RBMS2: variants seen among roughly 807,000 people sequenced by gnomAD.
RBMS2 encodes the protein RNA binding motif single stranded interacting protein 2, also known as RNA-binding motif, single-stranded-interacting protein 2.
In RBMS2, 38 loss-of-function variants were observed where a neutral mutation model predicts 58.4. The ratio of observed to expected loss-of-function variants is 0.65; its 90% CI spans 0.50 to 0.85. The LOEUF (loss-of-function observed/expected upper bound fraction) is 0.85. RBMS2 is among the 40% of genes least tolerant of loss of function. The probability of loss-of-function intolerance (pLI) is 0.00; values close to 1 mark genes in which losing one functional copy is unlikely to be tolerated. For synonymous variants in RBMS2, 151 were observed against 180.7 expected (o/e 0.84, Z 1.32); for missense variants, 367 against 503.7 (o/e 0.73, Z 2.60).
rs777712319 is a variant in RBMS2 at position 56,595,187 on chromosome 12, C to CCAAA, written c.*6057_*6060dup. The CCAAA allele has an allele frequency of 2.0e-5, 3 of 152,272 alleles. No individual in the cohort carries two copies. The highest frequency in any genetic ancestry group is 2.1e-4 in the South Asian group (1 of 4,828). 9.4% of individuals were successfully genotyped at this position (152,272 alleles called of 1,614,324 possible). The stretch of plus-strand genomic sequence containing the variant: ...GGCTGGCGTATAGCTGTGAAGGTAA[C>CCAAA]CAAACACCAAAGAGGGAGTCTGTCA... On this transcript the variant is annotated 3_prime_UTR_variant, in exon 14 of 14. Transcript: ENST00000262031.
In RBMS2 at chr12:56,543,047, A is replaced by G. The variant is rs143561079; in HGVS notation, c.67-19370A>G. On this transcript the variant is annotated intron_variant, in intron 1 of 13. Transcript: ENST00000262031. ...CAGCCTCCAAATTTCTTTTTTGAAA[A>G]ATTTTATATAGAGACAGTATCTCAC... Among the ~76,000 whole-genome samples, 998 of 151,956 alleles carry G rather than the reference A, an allele frequency of 6.6e-3. 12 individuals carry two copies. The highest frequency in any genetic ancestry group is 0.023 in the African/African-American group (944 of 41,466).
chr12:56,562,010 A>G (rs1228809301), intron 1 of RBMS2, among the ~76,000 whole-genome samples: 4 of 150,624 alleles, frequency 2.7e-5, no homozygotes, highest in African/African-American at 4.9e-5. Flanking sequence ...GGGTTTCACC[A>G]TGTTAGCCAC....
At chr12:56,533,636 G>A (rs950923859) in intron 1 of RBMS2, among the ~76,000 whole-genome samples, 4 of 151,274 alleles carry the variant, frequency 2.6e-5, no homozygotes, top group East Asian at 1.9e-4. Context: ...GGTTGGTCTC[G>A]AACTCCTGAC....
chr12:56,563,336 A>G (rs558509578), intron 2 of RBMS2, among the ~76,000 whole-genome samples: 1 of 152,290 alleles, frequency 6.6e-6, no homozygotes, highest in Middle Eastern at 3.4e-3. Flanking sequence ...GATGTTAATT[A>G]GAAGGCATGA....
chr12:56,542,546 G>GT (rs1876320237), intron 1 of RBMS2, among the ~76,000 whole-genome samples: 1 of 119,726 alleles, frequency 8.4e-6, no homozygotes, highest in African/African-American at 3.2e-5. Flanking sequence ...TTTTTTTCTT[G>GT]TTTTTCTTTT....
Position 56,590,266 on chromosome 12 carries a change from A to G in RBMS2, c.*1133A>G, listed in dbSNP as rs1242277719. On this transcript the variant is annotated 3_prime_UTR_variant, in exon 14 of 14. Transcript: ENST00000262031. ...CTCAGAGCCTTTGCAGCTGCGACCT[A>G]GTTGAATCCACATAGGCTCCTTCCA... 1 of 152,186 alleles carries G rather than the reference A, an allele frequency of 6.6e-6. No homozygotes were observed. The highest frequency in any genetic ancestry group is 2.4e-5 in the African/African-American group (1 of 41,408). 9.4% of individuals were successfully genotyped at this position (152,186 alleles called of 1,614,324 possible).
intron 1 of RBMS2, among the ~76,000 whole-genome samples, chr12:56,551,224 C>T (rs763447989): frequency 1.8e-4 from 28 of 152,072 alleles, no homozygotes; most frequent in Admixed American, 1.3e-3. Context: ...TCCTAGAAAA[C>T]GAAACCTTGC....
chr12:56,550,192 C>T (rs1877990456), intron 1 of RBMS2, among the ~76,000 whole-genome samples: 2 of 152,112 alleles, frequency 1.3e-5, no homozygotes, highest in African/African-American at 4.8e-5. Flanking sequence ...TATTAGAAGA[C>T]ATGAATTGGC....
chr12:56,528,559 A>G (rs1156933726), intron 1 of RBMS2, among the ~76,000 whole-genome samples: 2 of 152,216 alleles, frequency 1.3e-5, no homozygotes, highest in African/African-American at 4.8e-5. Context: ...GATGCTTAAC[A>G]TCATTAGCCA....
At chr12:56,572,263 T>C (rs1882421848) in intron 5 of RBMS2, among the ~76,000 whole-genome samples, 1 of 129,444 alleles carries the variant, frequency 7.7e-6, no homozygotes, top group East Asian at 2.4e-4. Context: ...CACTGCAGCC[T>C]GGGGAACAGA....
In RBMS2 at chr12:56,594,957, G is replaced by C. The variant is rs1218296720; in HGVS notation, c.*5824G>C. On this transcript the variant is annotated 3_prime_UTR_variant, in exon 14 of 14. Transcript: ENST00000262031. ...TTTTAAACTCTTGGGAATTAAACTT[G>C]GGAATTTCTATTCCTACAGTGTTTT... 6.6e-6 allele frequency: 1 copy of C among 151,732 alleles called. No individual in the cohort carries two copies. Among genetic ancestry groups the C allele is most frequent in the Non-Finnish European group, 1.5e-5 (1 of 68,044 alleles). The allele number at this position is 151,732 out of a possible 1,614,324, so 9.4% of individuals were successfully genotyped here.
chr12:56,551,280 C>T (rs1207062726), intron 1 of RBMS2, among the ~76,000 whole-genome samples: 1 of 152,106 alleles, frequency 6.6e-6, no homozygotes, highest in Non-Finnish European at 1.5e-5. Flanking sequence ...GGTGGAATGG[C>T]GGAAGTCATT....
At chr12:56,534,162 A>C (rs1383201794) in intron 1 of RBMS2, among the ~76,000 whole-genome samples, 1 of 150,240 alleles carries the variant, frequency 6.7e-6, no homozygotes, top group Non-Finnish European at 1.5e-5. Context: ...TTCACGATTC[A>C]TTCATGTTGC....
chr12:56,544,314 G>C (rs1876737055), intron 1 of RBMS2, among the ~76,000 whole-genome samples: 4 of 152,098 alleles, frequency 2.6e-5, no homozygotes, highest in Non-Finnish European at 4.4e-5. Flanking sequence ...TATGTGGCGT[G>C]TATTCTCTGC....
At chr12:56,547,170 G>A (rs1385286457) in intron 1 of RBMS2, among the ~76,000 whole-genome samples, 2 of 151,924 alleles carry the variant, frequency 1.3e-5, no homozygotes, top group African/African-American at 2.4e-5. Flanking sequence ...GGCCAACATG[G>A]TGAAACCCCA....
At chr12:56,586,169 A>G (rs966228140) in intron 9 of RBMS2, among the ~76,000 whole-genome samples, 1 of 152,144 alleles carries the variant, frequency 6.6e-6, no homozygotes, top group African/African-American at 2.4e-5. Flanking sequence ...TCTACTGAAA[A>G]TACAAAAGCA....
chr12:56,579,402 G>A (rs1263979905), intron 5 of RBMS2, among the ~76,000 whole-genome samples: 5 of 152,092 alleles, frequency 3.3e-5, no homozygotes, highest in African/African-American at 7.2e-5. Flanking sequence ...AGGATGAGGC[G>A]GGCGGATCAC....
intron 1 of RBMS2, among the ~76,000 whole-genome samples, chr12:56,553,915 C>G (rs886338726): frequency 2.9e-4 from 44 of 151,342 alleles, no homozygotes; most frequent in African/African-American, 9.9e-4. Flanking sequence ...GCCTCCGCCT[C>G]CTGGCTTCAA....
At chr12:56,557,994 C>T (rs1201062962) in intron 1 of RBMS2, among the ~76,000 whole-genome samples, 2 of 147,436 alleles carry the variant, frequency 1.4e-5, no homozygotes, top group African/African-American at 2.5e-5. Context: ...CCGCCTCAGC[C>T]TCCCAAAGTA....
Sources: allele counts gnomAD v4.1 joint callset (sites outside exome capture counted in the v4.1 genomes callset), GRCh38; gene constraint gnomAD v4.1.1; transcripts MANE v1.5; gene names NCBI Gene and HGNC (gene_info 2026-07-23, HGNC 2026-07-21).